The following CSMD3 variants were observed in gnomAD, a reference collection of about 807,000 sequenced individuals.
CSMD3 encodes the protein CUB and Sushi multiple domains 3.
A neutral mutation model predicts 435.2 loss-of-function variants in CSMD3; 177 were observed. The ratio of observed to expected loss-of-function variants is 0.41; its 90% CI spans 0.36 to 0.46. CSMD3 has a LOEUF of 0.46. Ranked by LOEUF, CSMD3 falls within the 20% of genes least tolerant of loss-of-function variation. The probability of loss-of-function intolerance (pLI) is 0.34; values close to 1 mark genes in which losing one functional copy is unlikely to be tolerated. For missense variants in CSMD3, 4,265 were observed against 4,504.6 expected (o/e 0.95, Z 1.52); for synonymous variants, 1,656 against 1,520.5 (o/e 1.09, Z -2.07).
chr8:112,305,022 A>C, intron 51 of CSMD3, 107 bp from the exon 52 acceptor site: 1 of 802,728 alleles, frequency 1.2e-6, no homozygotes. Flanking sequence ...TGCACTATAC[A>C]AGGTCCTTTA....
At chr8:112,287,267 A>G (rs1819300203) in intron 57 of CSMD3, 21 bp from the exon 58 acceptor site, 1 of 1,612,354 alleles carries the variant, frequency 6.2e-7, no homozygotes. Context: ...GTACAGTTCA[A>G]GTTAACCAAT....
At chr8:112,597,097 C>T (rs906874691) in intron 22 of CSMD3, among the ~76,000 whole-genome samples, 6 of 151,638 alleles carry the variant, frequency 4.0e-5, no homozygotes, top group Non-Finnish European at 8.8e-5. Flanking sequence ...TTGAAAGGAT[C>T]AACAAAATTG....
At chr8:112,999,365 T>G (rs950139838) in intron 6 of CSMD3, among the ~76,000 whole-genome samples, 1 of 151,724 alleles carries the variant, frequency 6.6e-6, no homozygotes, top group Admixed American at 6.6e-5. Flanking sequence ...GAACAGCAAA[T>G]GCAAAAACCC....
intron 12 of CSMD3, 76 bp downstream of exon 12, chr8:112,829,610 G>A: frequency 1.2e-6 from 1 of 828,362 alleles, no homozygotes; most frequent in Non-Finnish European, 2.1e-6. Flanking sequence ...AGCGATCAAT[G>A]TAAAACAATA....
intron 13 of CSMD3, among the ~76,000 whole-genome samples, chr8:112,745,445 A>G (rs2077405095): frequency 6.6e-6 from 1 of 152,054 alleles, no homozygotes; most frequent in African/African-American, 2.4e-5. Flanking sequence ...ATGGGTTTGT[A>G]TATTGTTTTG....
intron 58 of CSMD3, among the ~76,000 whole-genome samples, chr8:112,284,101 T>C (rs1434414597): frequency 5.3e-5 from 8 of 151,850 alleles, no homozygotes; most frequent in Admixed American, 5.3e-4. Flanking sequence ...ACTAAAGATA[T>C]TATAACAATA....
Position 112,390,793 on chromosome 8 carries a change from A to G in CSMD3, c.5810-5T>C, listed in dbSNP as rs1463490991. ...TTAAAATTCCACCACAGGGCACTGAAAATAAAGCAGTCCAAGAGAGGGAGT... is the reference window on the plus strand; with the variant it reads ...TTAAAATTCCACCACAGGGCACTGAGAATAAAGCAGTCCAAGAGAGGGAGT... On this transcript the variant is annotated splice_polypyrimidine_tract_variant and splice_region_variant and intron_variant, in intron 35 of 70. Transcript: ENST00000297405. The G allele has an allele frequency of 1.2e-6, 2 of 1,613,386 alleles. No homozygotes were observed. Among genetic ancestry groups the G allele is most frequent in the South Asian group, 1.1e-5 (1 of 91,068 alleles).
At chr8:113,353,286 T>A (rs1319946275) in intron 1 of CSMD3, among the ~76,000 whole-genome samples, 1 of 151,996 alleles carries the variant, frequency 6.6e-6, no homozygotes, top group Non-Finnish European at 1.5e-5. Flanking sequence ...CTCACACATA[T>A]GAATAATAGT....
At chr8:113,006,392 G>T (rs1019543750) in intron 6 of CSMD3, among the ~76,000 whole-genome samples, 3 of 152,018 alleles carry the variant, frequency 2.0e-5, no homozygotes, top group Non-Finnish European at 4.4e-5. Flanking sequence ...AGCCCTTGTA[G>T]ATTGGTGAGG....
At chr8:113,271,712 T>A (rs1445453267) in intron 3 of CSMD3, among the ~76,000 whole-genome samples, 1 of 151,854 alleles carries the variant, frequency 6.6e-6, no homozygotes, top group East Asian at 1.9e-4. Flanking sequence ...TCACACAGAG[T>A]CCCTACTGGG....
chr8:112,716,804 C>A (rs7814543), intron 13 of CSMD3, among the ~76,000 whole-genome samples: 1 of 151,866 alleles, frequency 6.6e-6, no homozygotes, highest in African/African-American at 2.4e-5. Context: ...TCTACAAACA[C>A]GACAAAAGCA....
At chr8:113,035,948 C>T (rs1411217614) in intron 5 of CSMD3, among the ~76,000 whole-genome samples, 3 of 151,942 alleles carry the variant, frequency 2.0e-5, no homozygotes, top group African/African-American at 7.2e-5. Flanking sequence ...ATTGCATTCT[C>T]AATACATTCC....
At position 113,295,365 on chromosome 8, in the gene CSMD3, A is replaced by T. The variant is rs1274273074; in HGVS notation, c.402-16661T>A. Among the ~76,000 whole-genome samples, 3 of 152,150 alleles carry T rather than the reference A, an allele frequency of 2.0e-5. No individual in the cohort carries two copies. In the East Asian group the frequency reaches 5.8e-4, roughly 29 times the overall value. On this transcript the variant is annotated intron_variant, in intron 2 of 70. Coordinates refer to ENST00000297405, the MANE Select transcript of CSMD3 (RefSeq NM_198123.2). ...ATGTTCTTTCTACTAATTTAACACTATTGCCACCACAATTTACATATAATA... is the reference window on the plus strand; with the variant it reads ...ATGTTCTTTCTACTAATTTAACACTTTTGCCACCACAATTTACATATAATA...
chr8:112,690,599 AAC>A (rs1205493369), intron 13 of CSMD3, among the ~76,000 whole-genome samples: 3 of 134,354 alleles, frequency 2.2e-5, no homozygotes, highest in South Asian at 2.7e-4. Flanking sequence ...CCCCCCCCCC[AAC>A]AAAAAAAAAA....
chr8:112,765,907 G>A (rs1351077947), intron 13 of CSMD3, among the ~76,000 whole-genome samples: 1 of 151,672 alleles, frequency 6.6e-6, no homozygotes, highest in Non-Finnish European at 1.5e-5. Context: ...TTAGTGGAGA[G>A]ACTAGAGTTT....
At chr8:113,221,995 A>G (rs773716603) in intron 3 of CSMD3, among the ~76,000 whole-genome samples, 10 of 148,700 alleles carry the variant, frequency 6.7e-5, no homozygotes, top group Middle Eastern at 6.8e-3. Flanking sequence ...CTCAATGCGC[A>G]TTTGTTGACA....
At chr8:113,049,226 G>A (rs1457198106) in intron 5 of CSMD3, among the ~76,000 whole-genome samples, 1 of 152,058 alleles carries the variant, frequency 6.6e-6, no homozygotes, top group Non-Finnish European at 1.5e-5. Context: ...GTGACAGAGC[G>A]AAAATCTGTC....
intron 3 of CSMD3, among the ~76,000 whole-genome samples, chr8:113,216,370 A>G (rs1181435900): frequency 6.6e-6 from 1 of 151,942 alleles, no homozygotes; most frequent in African/African-American, 2.4e-5. Flanking sequence ...GCATTGAGAT[A>G]TAGTAAGCAG....
intron 1 of CSMD3, among the ~76,000 whole-genome samples, chr8:113,320,644 C>A (rs1406050834): frequency 6.6e-6 from 1 of 151,952 alleles, no homozygotes; most frequent in African/African-American, 2.4e-5. Flanking sequence ...AAAAATTGTT[C>A]TTGTCATCTT....
Sources: allele counts gnomAD v4.1 joint callset (sites outside exome capture counted in the v4.1 genomes callset), GRCh38; gene constraint gnomAD v4.1.1; transcripts MANE v1.5; gene names NCBI Gene and HGNC (gene_info 2026-07-23, HGNC 2026-07-21).